Variants in CNTN2 observed in about 807,000 individuals in gnomAD.
CNTN2 encodes contactin-2.
In CNTN2, 53 loss-of-function variants were observed where a neutral mutation model predicts 117.5. The observed-to-expected ratio is 0.45, with a 90% CI of 0.36 to 0.57. The LOEUF (loss-of-function observed/expected upper bound fraction) is 0.57. Among genes scored for constraint, CNTN2 ranks in the 20% least tolerant of loss-of-function variants. CNTN2 has a pLI of 0.00. For missense variants in CNTN2, 1,106 were observed against 1,404.3 expected (o/e 0.79, Z 3.39); for synonymous variants, 530 against 561.7 (o/e 0.94, Z 0.80).
chr1:205,060,643 G>C (rs1279199029), intron 7 of CNTN2: 1 of 151,228 alleles, frequency 6.6e-6, no homozygotes, highest in East Asian at 1.9e-4. Context: ...GTGAACCCGG[G>C]AGGCAGAGCT....
At chr1:205,046,922 T>C (rs1275886877) in intron 1 of CNTN2, among the ~76,000 whole-genome samples, 1 of 152,066 alleles carries the variant, frequency 6.6e-6, no homozygotes, top group Admixed American at 6.6e-5. Context: ...CTCCCTACTT[T>C]AAAGGGTCTC....
chr1:205,047,822 A>G (rs2096444347), intron 1 of CNTN2, among the ~76,000 whole-genome samples: 1 of 152,166 alleles, frequency 6.6e-6, no homozygotes, highest in African/African-American at 2.4e-5. Context: ...AGCACTCACT[A>G]TGAGCCTGTG....
At chr1:205,050,968 A>T (rs10900441) in intron 1 of CNTN2, among the ~76,000 whole-genome samples, 33,250 of 152,182 alleles carry the variant, frequency 0.22, 4,504 homozygotes, top group East Asian at 0.63. Context: ...GTTCAGTAGA[A>T]TAGGTGTATT....
chr1:205,065,701 T>TCCCAAG lies in CNTN2; in HGVS notation c.1696-86_1696-81dup. The TCCCAAG allele has an allele frequency of 1.8e-6, 1 of 564,384 alleles. No individual in the cohort carries two copies. The highest frequency in any genetic ancestry group is 4.3e-4 in the Middle Eastern group (1 of 2,304). The allele number at this position is 564,384 out of a possible 1,614,324, so 35.0% of individuals were successfully genotyped here. ...CCATGGATGTCATGGAGTAGGGGAC[T>TCCCAAG]CCCAAGCGCTGCCTCATGTCTCATG... On this transcript the variant is annotated intron_variant, in intron 13 of 22. Coordinates refer to ENST00000331830, the MANE Select transcript of CNTN2 (RefSeq NM_005076.5). The surrounding 1 kb of genome is among the most constrained non-coding windows in gnomAD (Gnocchi z 4.1).
At position 205,064,314 on chromosome 1, in the gene CNTN2, C is replaced by T; in HGVS notation, c.1241-8C>T. 6.4e-7 allele frequency: 1 copy of T among 1,552,596 alleles called. No individual in the cohort carries two copies. The highest frequency in any genetic ancestry group is 2.3e-5 in the East Asian group (1 of 43,906). ...ACTTTTCTCTGTGGCTCTCCCCTTT[C>T]CTTCTAGCACTCGCCCCTGACTTCA... On this transcript the variant is annotated splice_region_variant and splice_polypyrimidine_tract_variant and intron_variant, in intron 10 of 22. Transcript: ENST00000331830.
chr1:205,066,616 C>T lies in CNTN2; in HGVS notation c.1975+17C>T. 2 of 1,613,044 alleles carry T rather than the reference C, an allele frequency of 1.2e-6. No individual in the cohort carries two copies. The highest frequency in any genetic ancestry group is 1.1e-5 in the South Asian group (1 of 90,904). On this transcript the variant is annotated intron_variant, in intron 15 of 22. Coordinates refer to ENST00000331830, the MANE Select transcript of CNTN2 (RefSeq NM_005076.5). ...TTCGGACCAGTAAGTGTGAGCCCCACCTGGGTCAGTGCTGATAAGGCTCGA... is the reference window on the plus strand; with the variant it reads ...TTCGGACCAGTAAGTGTGAGCCCCATCTGGGTCAGTGCTGATAAGGCTCGA...
In CNTN2 at chr1:205,059,071, C is replaced by A; in HGVS notation, c.488-13C>A. On this transcript the variant is annotated splice_polypyrimidine_tract_variant and intron_variant, in intron 5 of 22. Coordinates refer to ENST00000331830, the MANE Select transcript of CNTN2 (RefSeq NM_005076.5). The surrounding 1 kb of genome is among the most constrained non-coding windows in gnomAD (Gnocchi z 5.6). ...CAGCACCCCCTGGTTTCCTCAAACT[C>A]CTCACATCCTAGGCTTGTCCTACCG... 2 of 1,613,894 alleles carry A rather than the reference C, an allele frequency of 1.2e-6. No individual in the cohort carries two copies. The highest frequency in any genetic ancestry group is 2.2e-5 in the South Asian group (2 of 91,058).
At chr1:205,046,304 A>G (rs549658303) in intron 1 of CNTN2, among the ~76,000 whole-genome samples, 24 of 152,196 alleles carry the variant, frequency 1.6e-4, no homozygotes, top group African/African-American at 5.8e-4. Context: ...AACGCATCTC[A>G]GTGTCCTTTT....
rs2151203646 is a variant in CNTN2 at position 205,077,204 on chromosome 1, A to G, written c.*3439A>G. 2 of 152,374 alleles carry G rather than the reference A, an allele frequency of 1.3e-5. No homozygotes were observed. The highest frequency in any genetic ancestry group is 6.8e-3 in the Middle Eastern group (2 of 294). 9.4% of individuals were successfully genotyped at this position (152,374 alleles called of 1,614,324 possible). On this transcript the variant is annotated 3_prime_UTR_variant, in exon 23 of 23. Transcript: ENST00000331830. ...GCCCTGCACCTTATGGGAAGCCATT[A>G]AGGGGGCTCATCTAGGAATTCTGGT...
At chr1:205,063,910 A>G (rs116091351) in intron 10 of CNTN2, among the ~76,000 whole-genome samples, 2,179 of 151,896 alleles carry the variant, frequency 0.014, 26 homozygotes, top group Middle Eastern at 0.061. Flanking sequence ...GAGAGAGAGA[A>G]AAAAAAAGGC....
chr1:205,070,167 A>C (rs56283998), intron 18 of CNTN2, 106 bp downstream of exon 18: 231,890 of 1,091,796 alleles, frequency 0.21, 25,654 homozygotes, highest in East Asian at 0.37. Flanking sequence ...CCATAGGAGG[A>C]GGTTGAGAGG....
In CNTN2 at chr1:205,058,588, G is replaced by A. The variant is rs966267940; in HGVS notation, c.412G>A (p.Glu138Lys). 1 of 1,613,848 alleles carries A rather than the reference G, an allele frequency of 6.2e-7. No homozygotes were observed. The highest frequency in any genetic ancestry group is 8.5e-7 in the Non-Finnish European group (1 of 1,180,024). The change falls in exon 5 of 23, where the codon GAG becomes AAG. Residue 138 changes from glutamate (E) to lysine (K), a missense_variant. Coordinates refer to ENST00000331830, the MANE Select transcript of CNTN2 (RefSeq NM_005076.5). This position sits in a 1 kb window ranked among gnomAD's most constrained non-coding sequence, Gnocchi z 4.3. ...RFGFLQEFSK[E>K]ERDPVKAHEG... ...TCCAGTTCTGCAGGAATTCTCCAAG[G>A]AGGAGCGAGACCCAGTGAAAGCTCA...
In CNTN2 at chr1:205,072,488, C is replaced by G. The variant is rs757178602; in HGVS notation, c.2737C>G (p.Arg913Gly). Residue 913 changes from arginine to glycine, a missense_variant, in exon 21 of 23, where the codon CGG (arginine) becomes GGG (glycine). Coordinates refer to ENST00000331830, the MANE Select transcript of CNTN2 (RefSeq NM_005076.5). Reference protein sequence around the residue: ...ANATTMKPPPRRPPGNISWTF... With the variant: ...ANATTMKPPPGRPPGNISWTF... ...CAATTCTTCCTCTCTGGCAGCTCCG[C>G]GGCGACCTCCTGGCAACATCTCCTG... 6.2e-7 allele frequency: 1 copy of G among 1,613,962 alleles called. No individual in the cohort carries two copies. Among genetic ancestry groups the G allele is most frequent in the Non-Finnish European group, 8.5e-7 (1 of 1,179,928 alleles).
chr1:205,061,482 C>A lies in CNTN2; in HGVS notation c.973+62C>A. On this transcript the variant is annotated intron_variant, in intron 8 of 22. Coordinates refer to ENST00000331830, the MANE Select transcript of CNTN2 (RefSeq NM_005076.5). The surrounding 1 kb of genome is among the most constrained non-coding windows in gnomAD (Gnocchi z 4.8). Reference sequence around the variant, plus strand: ...CCCCCCTTCCCGCCTTCACCCTTGTCCCCAAGGAAACAGACCCAAAAGTCA... The same window carrying A: ...CCCCCCTTCCCGCCTTCACCCTTGTACCCAAGGAAACAGACCCAAAAGTCA... The A allele has an allele frequency of 2.7e-6, 4 of 1,485,206 alleles. No homozygotes were observed. Among genetic ancestry groups the A allele is most frequent in the South Asian group, 1.3e-5 (1 of 75,932 alleles). The allele number at this position is 1,485,206 out of a possible 1,614,324, so 92.0% of individuals were successfully genotyped here.
chr1:205,061,385 G>C lies in CNTN2; in HGVS notation c.938G>C (p.Gly313Ala). Residue 313 changes from glycine (G) to alanine (A), a missense_variant, in exon 8 of 23, where the codon GGC becomes GCC. Gly to Ala is a moderately conservative substitution (Grantham distance 60, BLOSUM62 0). Coordinates refer to ENST00000331830, the MANE Select transcript of CNTN2 (RefSeq NM_005076.5). The surrounding 1 kb of genome is among the most constrained non-coding windows in gnomAD (Gnocchi z 4.8). Reference sequence around the variant, plus strand: ...GAGTGTGAGGCGGAGAACTCCAAGGGCCGAGACACCGTGCAGGGCCGCATC... The same window carrying C: ...GAGTGTGAGGCGGAGAACTCCAAGGCCCGAGACACCGTGCAGGGCCGCATC... ...TYECEAENSKGRDTVQGRIIV... is the reference protein window; with the variant it reads ...TYECEAENSKARDTVQGRIIV... 4 of 1,613,388 alleles carry C rather than the reference G, an allele frequency of 2.5e-6. No individual in the cohort carries two copies. Among genetic ancestry groups the C allele is most frequent in the Admixed American group, 3.3e-5 (2 of 59,940 alleles).
chr1:205,065,658 A>G lies in CNTN2; in HGVS notation c.1696-131A>G, dbSNP rs1654242569. The G allele has an allele frequency of 1.8e-6, 2 of 1,142,078 alleles. No individual in the cohort carries two copies. Among genetic ancestry groups the G allele is most frequent in the Admixed American group, 2.2e-5 (1 of 44,582 alleles). 70.7% of individuals were successfully genotyped at this position (1,142,078 alleles called of 1,614,324 possible). A position where few individuals can be genotyped will look rare whatever the true frequency, so the allele number is the denominator to read the frequency against. ...TTCCTCCCATTGAGCAGACAGGAAA[A>G]CTGAGATCCAGTGGGGTCCATGGAT... On this transcript the variant is annotated intron_variant, in intron 13 of 22. Coordinates refer to ENST00000331830, the MANE Select transcript of CNTN2 (RefSeq NM_005076.5). This position sits in a 1 kb window ranked among gnomAD's most constrained non-coding sequence, Gnocchi z 4.1.
At position 205,065,408 on chromosome 1, in the gene CNTN2, T is replaced by A; in HGVS notation, c.1695+146T>A. The A allele has an allele frequency of 3.5e-6, 3 of 857,814 alleles. No individual in the cohort carries two copies. Among genetic ancestry groups the A allele is most frequent in the Non-Finnish European group, 5.4e-6 (3 of 557,384 alleles). The allele number at this position is 857,814 out of a possible 1,614,324, so 53.1% of individuals were successfully genotyped here. A position where few individuals can be genotyped will look rare whatever the true frequency, so the allele number is the denominator to read the frequency against. On this transcript the variant is annotated intron_variant, in intron 13 of 22. Transcript: ENST00000331830. The surrounding 1 kb of genome is among the most constrained non-coding windows in gnomAD (Gnocchi z 4.1). Reference sequence around the variant, plus strand: ...AGGCCCACACATGGCAAGCTCATCCTTGGATGAACAGCTGACCTTCCTGGA... The same window carrying A: ...AGGCCCACACATGGCAAGCTCATCCATGGATGAACAGCTGACCTTCCTGGA...
At chr1:205,056,215 G>A (rs534691297) in intron 2 of CNTN2, among the ~76,000 whole-genome samples, 1 of 152,300 alleles carries the variant, frequency 6.6e-6, no homozygotes, top group African/African-American at 2.4e-5. Flanking sequence ...CCATCACCCA[G>A]CGTTCCTGGA....
Position 205,073,456 on chromosome 1 carries a change from A to G in CNTN2, c.3014-200A>G. 1.4e-6 allele frequency: 1 copy of G among 737,580 alleles called. No individual in the cohort carries two copies. Among genetic ancestry groups the G allele is most frequent in the Non-Finnish European group, 2.2e-6 (1 of 454,040 alleles). The allele number at this position is 737,580 out of a possible 1,614,324, so 45.7% of individuals were successfully genotyped here. On this transcript the variant is annotated intron_variant, in intron 22 of 22. Coordinates refer to ENST00000331830, the MANE Select transcript of CNTN2 (RefSeq NM_005076.5). This position sits in a 1 kb window ranked among gnomAD's most constrained non-coding sequence, Gnocchi z 6.3. ...AGGGCCAGGGAAGGGCGCAGGGTGC[A>G]GGGGGAGGCTGAGGACCAACCAGCA...
Sources: gnomAD v4.1 joint callset for allele counts (sites outside exome capture counted in the v4.1 genomes callset) on GRCh38, gnomAD v4.1.1 for gene constraint, Gnocchi (gnomAD v3.1) non-coding constraint, MANE v1.5 for transcripts, NCBI Gene and HGNC (gene_info 2026-07-23, HGNC 2026-07-21) for gene names.